Variants in BMPR1B observed in about 807,000 individuals in gnomAD.
The protein encoded by BMPR1B is bone morphogenetic protein receptor type 1B.
Under a neutral mutation model 59.1 loss-of-function variants are expected in BMPR1B, and 12 were observed. The ratio of observed to expected loss-of-function variants is 0.20; its 90% CI spans 0.13 to 0.33. The LOEUF is 0.33. Ranked by LOEUF, BMPR1B falls within the 10% of genes least tolerant of loss-of-function variation. The probability of loss-of-function intolerance (pLI) is 1.00; values close to 1 mark genes in which losing one functional copy is unlikely to be tolerated. For synonymous variants in BMPR1B, 237 were observed against 207.3 expected (o/e 1.14, Z -1.23); for missense variants, 550 against 610.9 (o/e 0.90, Z 1.05).
intron 8 of BMPR1B, 22 bp from the exon 9 acceptor site, chr4:95,129,840 A>G (rs1488897412): frequency 3.7e-6 from 6 of 1,610,900 alleles, no homozygotes; most frequent in African/African-American, 1.3e-5. Flanking sequence ...ATACACTAAC[A>G]GTGTGTTTTG....
At chr4:95,058,047 A>G (rs1037080721) in intron 3 of BMPR1B, among the ~76,000 whole-genome samples, 12 of 152,180 alleles carry the variant, frequency 7.9e-5, no homozygotes, top group African/African-American at 2.7e-4. Flanking sequence ...AATGTGTGAA[A>G]CAAGTAGTGT....
At chr4:94,782,684 A>G (rs911996955) in intron 1 of BMPR1B, among the ~76,000 whole-genome samples, 1 of 152,166 alleles carries the variant, frequency 6.6e-6, no homozygotes, top group Non-Finnish European at 1.5e-5. Context: ...TTGATGAGAC[A>G]TTATCATCAC....
intron 2 of BMPR1B, among the ~76,000 whole-genome samples, chr4:94,915,252 T>G (rs913591659): frequency 1.3e-5 from 2 of 152,180 alleles, no homozygotes; most frequent in African/African-American, 2.4e-5. Context: ...CTAGCTGCCC[T>G]TACATTTTTT....
intron 1 of BMPR1B, among the ~76,000 whole-genome samples, chr4:94,804,108 G>C (rs1355693121): frequency 1.3e-5 from 2 of 152,094 alleles, no homozygotes; most frequent in African/African-American, 4.8e-5. Flanking sequence ...TCAATCTCCT[G>C]ACCTTGTGAT....
At chr4:94,971,763 G>T (rs1024336241) in intron 2 of BMPR1B, among the ~76,000 whole-genome samples, 1 of 151,572 alleles carries the variant, frequency 6.6e-6, no homozygotes, top group East Asian at 1.9e-4. Context: ...CATTAAATAC[G>T]TTTATGACCA....
intron 3 of BMPR1B, among the ~76,000 whole-genome samples, chr4:95,042,039 G>A (rs2149173573): frequency 6.6e-6 from 1 of 152,134 alleles, no homozygotes; most frequent in Non-Finnish European, 1.5e-5. Flanking sequence ...TATATTTTTA[G>A]TAGAGACGGG....
At chr4:94,837,535 T>G (rs1724873303) in intron 1 of BMPR1B, among the ~76,000 whole-genome samples, 1 of 145,380 alleles carries the variant, frequency 6.9e-6, no homozygotes. Context: ...GAATGGGAGT[T>G]CTCTCATGAT....
At chr4:95,076,877 C>CTA (rs1348555287) in intron 3 of BMPR1B, among the ~76,000 whole-genome samples, 1 of 152,042 alleles carries the variant, frequency 6.6e-6, no homozygotes, top group Non-Finnish European at 1.5e-5. Context: ...AGGGAGCAGA[C>CTA]TATAGTAGAA....
chr4:94,826,073 AT>A (rs1365244452), intron 1 of BMPR1B, among the ~76,000 whole-genome samples: 1 of 152,308 alleles, frequency 6.6e-6, no homozygotes, highest in Non-Finnish European at 1.5e-5. Context: ...TTCCTCAAAA[AT>A]ATTAATTCAT....
intron 1 of BMPR1B, among the ~76,000 whole-genome samples, chr4:94,817,074 T>C (rs1007834815): frequency 6.6e-6 from 1 of 152,130 alleles, no homozygotes; most frequent in Non-Finnish European, 1.5e-5. Flanking sequence ...GCGGGACACA[T>C]CGTTCCTCCC....
chr4:94,966,622 T>C (rs1039581698), intron 2 of BMPR1B, among the ~76,000 whole-genome samples: 1 of 152,218 alleles, frequency 6.6e-6, no homozygotes, highest in African/African-American at 2.4e-5. Context: ...AACAATGAAC[T>C]CTATACTCAA....
rs1455458738 is a variant in BMPR1B at position 95,157,094 on chromosome 4, G to A, written c.*2421G>A. The A allele has an allele frequency of 6.6e-6, 1 of 152,110 alleles. No individual in the cohort carries two copies. Among genetic ancestry groups the A allele is most frequent in the Non-Finnish European group, 1.5e-5 (1 of 67,994 alleles). 9.4% of individuals were successfully genotyped at this position (152,110 alleles called of 1,614,324 possible). On this transcript the variant is annotated 3_prime_UTR_variant, in exon 13 of 13. Coordinates refer to ENST00000515059, the MANE Select transcript of BMPR1B (RefSeq NM_001203.3). ...GAAATTAAGCTAGATTTCTAGGGAG[G>A]TGTTGGTTCCAATGAAGGATGGGAA...
At chr4:95,006,878 A>T (rs541974697) in intron 3 of BMPR1B, among the ~76,000 whole-genome samples, 1 of 151,828 alleles carries the variant, frequency 6.6e-6, no homozygotes, top group South Asian at 2.1e-4. Flanking sequence ...ATAATATATG[A>T]CTCTCTTTTA....
chr4:95,126,026 C>A (rs1732881019), intron 8 of BMPR1B, among the ~76,000 whole-genome samples: 1 of 152,176 alleles, frequency 6.6e-6, no homozygotes, highest in South Asian at 2.1e-4. Flanking sequence ...TACTGGACAT[C>A]ACTCCAACTC....
intron 1 of BMPR1B, among the ~76,000 whole-genome samples, chr4:94,846,287 T>G (rs1725322242): frequency 6.6e-6 from 1 of 152,164 alleles, no homozygotes; most frequent in African/African-American, 2.4e-5. Context: ...AAAATTCCTA[T>G]CTCTGATCAT....
intron 3 of BMPR1B, among the ~76,000 whole-genome samples, chr4:95,067,400 A>G (rs1727903909): frequency 6.6e-6 from 1 of 152,202 alleles, no homozygotes; most frequent in Non-Finnish European, 1.5e-5. Flanking sequence ...TTCTGGAATA[A>G]CACATTTGTT....
chr4:94,886,191 T>C (rs946135927), intron 2 of BMPR1B, among the ~76,000 whole-genome samples: 76 of 152,274 alleles, frequency 5.0e-4, no homozygotes, highest in African/African-American at 1.7e-3. Flanking sequence ...CTTGGATAGA[T>C]ATAGTAAGAA....
At chr4:94,849,441 G>A (rs760066515) in intron 1 of BMPR1B, among the ~76,000 whole-genome samples, 2 of 152,100 alleles carry the variant, frequency 1.3e-5, no homozygotes, top group African/African-American at 2.4e-5. Context: ...GATTTAGACC[G>A]TTCTCTTGAG....
chr4:95,035,440 C>T (rs753584746), intron 3 of BMPR1B, among the ~76,000 whole-genome samples: 8 of 151,940 alleles, frequency 5.3e-5, no homozygotes, highest in African/African-American at 1.5e-4. Context: ...TGATCCATCT[C>T]GAGTTGATTT....
Sources: allele counts gnomAD v4.1 joint callset (sites outside exome capture counted in the v4.1 genomes callset), GRCh38; gene constraint gnomAD v4.1.1; transcripts MANE v1.5; gene names NCBI Gene and HGNC (gene_info 2026-07-23, HGNC 2026-07-21).